ERICH3: variants seen among roughly 807,000 people sequenced by gnomAD.
The protein encoded by ERICH3 is glutamate-rich protein 3.
ERICH3 carries 126 observed loss-of-function variants against 131.1 expected under a neutral mutation model. That is an observed-to-expected ratio of 0.96 (90% CI 0.83 to 1.11). The LOEUF is 1.11. ERICH3 is among the 50% of genes most tolerant of loss of function. The pLI is 0.00. For missense variants in ERICH3, 2,050 were observed against 1,810.7 expected (o/e 1.13, Z -2.40); for synonymous variants, 695 against 644.6 (o/e 1.08, Z -1.18).
intron 9 of ERICH3, among the ~76,000 whole-genome samples, chr1:74,608,404 AAG>A (rs1328901630): frequency 6.6e-6 from 1 of 151,982 alleles, no homozygotes; most frequent in African/African-American, 2.4e-5. Context: ...GGGCAGGTGA[AAG>A]GGATCAGAAA....
chr1:74,647,053 A>T (rs1646492339), intron 2 of ERICH3, among the ~76,000 whole-genome samples: 1 of 151,996 alleles, frequency 6.6e-6, no homozygotes, highest in South Asian at 2.1e-4. Flanking sequence ...ACTATGGTTG[A>T]TCAACTTTCA....
Position 74,627,360 on chromosome 1 carries a change from C to A in ERICH3, c.819+4353G>T, listed in dbSNP as rs141164567. ...CCCGAGGAAGCATGAAAACAGAATGCCATGGAAGGCAAGAGAGGAGAGGTT... is the reference window on the plus strand; with the variant it reads ...CCCGAGGAAGCATGAAAACAGAATGACATGGAAGGCAAGAGAGGAGAGGTT... On this transcript the variant is annotated intron_variant, in intron 7 of 14. Transcript: ENST00000326665. Among the ~76,000 whole-genome samples, 237 of 151,796 alleles carry A rather than the reference C, an allele frequency of 1.6e-3. 1 individual carries two copies. Among genetic ancestry groups the A allele is most frequent in the African/African-American group, 5.5e-3 (229 of 41,370 alleles).
intron 9 of ERICH3, among the ~76,000 whole-genome samples, chr1:74,610,555 T>C (rs560889367): frequency 6.6e-6 from 1 of 151,668 alleles, no homozygotes; most frequent in South Asian, 2.1e-4. Context: ...TGTTTCTTAT[T>C]CTCTAAAGTA....
chr1:74,659,937 C>A (rs1163368852), intron 1 of ERICH3, among the ~76,000 whole-genome samples: 1 of 152,090 alleles, frequency 6.6e-6, no homozygotes, highest in Non-Finnish European at 1.5e-5. Flanking sequence ...GTTTCTGTCA[C>A]CCAAATAGGA....
At chr1:74,571,000 G>T in intron 14 of ERICH3, 99 bp downstream of exon 14, 6 of 1,416,760 alleles carry the variant, frequency 4.2e-6, no homozygotes, top group Non-Finnish European at 4.7e-6. Context: ...GTGTTTATAT[G>T]TGCACAGACA....
chr1:74,655,767 T>C (rs10890138), intron 1 of ERICH3, among the ~76,000 whole-genome samples: 62,347 of 152,100 alleles, frequency 0.41, 14,205 homozygotes, highest in Non-Finnish European at 0.52. Context: ...ATAAGCCTGA[T>C]GCCAGGAGCA....
intron 10 of ERICH3, among the ~76,000 whole-genome samples, chr1:74,603,026 C>G (rs1382622150): frequency 2.0e-5 from 3 of 151,718 alleles, no homozygotes; most frequent in African/African-American, 7.2e-5. Flanking sequence ...TATAACAGCC[C>G]TGTAATTATT....
intron 2 of ERICH3, among the ~76,000 whole-genome samples, chr1:74,648,513 C>T (rs564127634): frequency 6.6e-6 from 1 of 152,146 alleles, no homozygotes; most frequent in Non-Finnish European, 1.5e-5. Flanking sequence ...TGAGATCTGT[C>T]AGCTAGAGTG....
In ERICH3 at chr1:74,571,149, C is replaced by T. The variant is rs377388802; in HGVS notation, c.4561G>A (p.Ala1521Thr). The T allele has an allele frequency of 1.9e-6, 3 of 1,613,838 alleles. No individual in the cohort carries two copies. Among genetic ancestry groups the T allele is most frequent in the Non-Finnish European group, 2.5e-6 (3 of 1,179,948 alleles). ...TGCACGTTGTTGGGGGAAACATCTG[C>T]AGTCTCGCTTTCTCCTTGCACCATA... ...QHMVQGESET[A>T]DVSPNNVQV The change falls in exon 14 of 15, where the codon GCA (alanine) becomes ACA (threonine). Residue 1521 changes from alanine (A) to threonine (T), a missense_variant. Transcript: ENST00000326665.
chr1:74,589,554 C>A (rs1457139518), intron 12 of ERICH3, 77 bp downstream of exon 12: 2 of 1,374,866 alleles, frequency 1.5e-6, no homozygotes, highest in East Asian at 4.6e-5. Context: ...ATTTCCCAAG[C>A]TTTGGCATAG....
At chr1:74,574,989 TAA>T (rs397862098) in intron 13 of ERICH3, among the ~76,000 whole-genome samples, 1 of 144,576 alleles carries the variant, frequency 6.9e-6, no homozygotes, top group Non-Finnish European at 1.5e-5. Context: ...AACTCTAACT[TAA>T]AAAAAAAAAA....
chr1:74,673,298 A>G (rs192387954), intron 1 of ERICH3, among the ~76,000 whole-genome samples, 199 bp downstream of exon 1: 1 of 152,250 alleles, frequency 6.6e-6, no homozygotes, highest in Admixed American at 6.5e-5. Flanking sequence ...AAAGAAACGA[A>G]GAAGGGGAGG....
chr1:74,570,620 T>A (rs989767755), intron 14 of ERICH3, among the ~76,000 whole-genome samples, 181 bp from the exon 15 acceptor site: 2 of 152,226 alleles, frequency 1.3e-5, no homozygotes, highest in African/African-American at 4.8e-5. Context: ...GTAAAACATT[T>A]TATATATGTA....
rs1165340530 is a variant in ERICH3, at chr1:74,573,090, C to T, written c.2620G>A (p.Glu874Lys). ...AKDAVGLSKD[E>K]APEKQALMLT... is the part of the protein sequence containing the mutation. ...ATCAAGGCTTGCTTTTCAGGAGCCT[C>T]ATCTTTACTCAGACCCACAGCATCT... The change falls in exon 14 of 15, where the codon GAG (glutamate) becomes AAG (lysine). Residue 874 changes from glutamate to lysine, a missense_variant. Transcript: ENST00000326665. 1.5e-5 allele frequency: 25 copies of T among 1,614,000 alleles called. No individual in the cohort carries two copies. The highest frequency in any genetic ancestry group is 2.0e-5 in the Non-Finnish European group (24 of 1,179,998).
chr1:74,668,742 G>A (rs1246636451), intron 1 of ERICH3, among the ~76,000 whole-genome samples: 2 of 152,206 alleles, frequency 1.3e-5, no homozygotes, highest in East Asian at 3.9e-4. Context: ...TACAGTGGAA[G>A]CCACAACAAA....
intron 1 of ERICH3, among the ~76,000 whole-genome samples, chr1:74,668,357 A>G (rs55691063): frequency 0.018 from 2,792 of 152,324 alleles, 87 homozygotes; most frequent in African/African-American, 0.064. Context: ...CTTTGAGCTT[A>G]GAAAAACATC....
chr1:74,606,485 C>A (rs1648397360), intron 10 of ERICH3, 116 bp downstream of exon 10: 1 of 1,083,708 alleles, frequency 9.2e-7, no homozygotes, highest in Non-Finnish European at 1.3e-6. Context: ...GGGCACCCCA[C>A]ATGTAACACA....
At chr1:74,593,732 A>G (rs1010816822) in intron 11 of ERICH3, among the ~76,000 whole-genome samples, 15 of 152,128 alleles carry the variant, frequency 9.9e-5, no homozygotes, top group Non-Finnish European at 2.2e-4. Flanking sequence ...ATTTAATCCT[A>G]TGAAATAATA....
In ERICH3 at chr1:74,571,534, C is replaced by T; in HGVS notation, c.4176G>A (p.Glu1392=). The T allele has an allele frequency of 6.2e-7, 1 of 1,614,178 alleles. No individual in the cohort carries two copies. Among genetic ancestry groups the T allele is most frequent in the Admixed American group, 1.7e-5 (1 of 60,034 alleles). The change falls in exon 14 of 15, where the codon GAG becomes GAA. Residue 1392 remains glutamate (E), a synonymous_variant. Coordinates refer to ENST00000326665, the MANE Select transcript of ERICH3 (RefSeq NM_001002912.5). The stretch of plus-strand genomic sequence containing the variant: ...CTGCAGCTGCTGTTTTTCCTACTAA[C>T]TCATCCTGTTGGTGCCAGGTTTCTT... ...AEEETWHQQD[E]LVGKTAAAGK... is the part of the protein sequence containing the mutation.
Sources: gnomAD v4.1 joint callset for allele counts (sites outside exome capture counted in the v4.1 genomes callset) on GRCh38, gnomAD v4.1.1 for gene constraint, MANE v1.5 for transcripts, NCBI Gene and HGNC (gene_info 2026-07-23, HGNC 2026-07-21) for gene names.